Variants in GPX5 observed in about 807,000 individuals in gnomAD.
GPX5 encodes glutathione peroxidase 5.
Under a neutral mutation model 23.8 loss-of-function variants are expected in GPX5, and 20 were observed. That is an observed-to-expected ratio of 0.84 (90% CI 0.59 to 1.22). The LOEUF is 1.22. Ranked by LOEUF, GPX5 falls within the 50% of genes most tolerant of loss-of-function variation. GPX5 has a pLI of 0.00. For synonymous variants in GPX5, 92 were observed against 99.5 expected (o/e 0.92, Z 0.45); for missense variants, 230 against 266.6 (o/e 0.86, Z 0.96).
chr6:28,531,130 C>T (rs891804687), intron 2 of GPX5, among the ~76,000 whole-genome samples: 3 of 150,964 alleles, frequency 2.0e-5, no homozygotes, highest in African/African-American at 7.3e-5. Flanking sequence ...TTTACTTCCA[C>T]TCCACTCAGG....
intron 4 of GPX5, among the ~76,000 whole-genome samples, chr6:28,532,672 T>A (rs380879): frequency 6.6e-6 from 1 of 152,084 alleles, no homozygotes; most frequent in Non-Finnish European, 1.5e-5. Context: ...CACCCTCTTT[T>A]GCTCATTGAC....
At position 28,529,441 on chromosome 6, in the gene GPX5, A is replaced by C. The variant is rs1452005194; in HGVS notation, c.88-10A>C. Reference sequence around the variant, plus strand: ...GTTACCAGTATTATCACTTAAAAAAAATCTTCCAGATGGATTGCCACAAAG... The same window carrying C: ...GTTACCAGTATTATCACTTAAAAAACATCTTCCAGATGGATTGCCACAAAG... On this transcript the variant is annotated splice_polypyrimidine_tract_variant and intron_variant, in intron 1 of 4. Transcript: ENST00000412168. 1 of 1,598,834 alleles carries C rather than the reference A, an allele frequency of 6.3e-7. No homozygotes were observed. Among genetic ancestry groups the C allele is most frequent in the Non-Finnish European group, 8.5e-7 (1 of 1,171,930 alleles).
Position 28,531,370 on chromosome 6 carries a change from CAAAAA to C in GPX5, c.242-389_242-385del, listed in dbSNP as rs1193939654. On this transcript the variant is annotated intron_variant, in intron 2 of 4. Coordinates refer to ENST00000412168, the MANE Select transcript of GPX5 (RefSeq NM_001509.3). ...TGGGCGACAGAGTGAGAATCTGTCT[CAAAAA>C]AAAAAAAAAAAAAAAAAAGAAAAGA... is the stretch of plus-strand genomic sequence containing the variant. Among the ~76,000 whole-genome samples the C allele has an allele frequency of 2.0e-4, 10 of 50,116 alleles. No homozygotes were observed. The East Asian group carries it at 5.7e-3, about 29-fold the overall frequency. The allele number at this position is 50,116 out of a possible 152,430, so 32.9% of individuals were successfully genotyped here.
intron 2 of GPX5, 46 bp from the exon 3 acceptor site, chr6:28,531,732 G>A: frequency 2.4e-6 from 3 of 1,274,196 alleles, no homozygotes; most frequent in South Asian, 1.2e-5. Flanking sequence ...CCTTGCACAA[G>A]GCAGAACCTC....
chr6:28,529,270 T>C (rs1488949265), intron 1 of GPX5, 181 bp from the exon 2 acceptor site: 2 of 459,710 alleles, frequency 4.4e-6, no homozygotes, highest in Non-Finnish European at 7.6e-6. Context: ...CTTATGAGAC[T>C]TGATTTTTTA....
intron 2 of GPX5, 77 bp downstream of exon 2, chr6:28,529,681 T>C (rs1396824370): frequency 1.0e-6 from 1 of 999,452 alleles, no homozygotes; most frequent in Non-Finnish European, 1.4e-6. Flanking sequence ...CTTGGAATTA[T>C]ATTTTAATTA....
At chr6:28,528,861 A>G (rs1427192249) in intron 1 of GPX5, among the ~76,000 whole-genome samples, 1 of 50,184 alleles carries the variant, frequency 2.0e-5, no homozygotes, top group Non-Finnish European at 4.6e-5. Flanking sequence ...ATATATATAT[A>G]TATATATATA....
intron 4 of GPX5, among the ~76,000 whole-genome samples, chr6:28,533,176 G>A (rs1763358877): frequency 6.6e-6 from 1 of 152,038 alleles, no homozygotes; most frequent in East Asian, 1.9e-4. Context: ...AGTGTAGTAG[G>A]TACCTTTTAT....
intron 2 of GPX5, among the ~76,000 whole-genome samples, 179 bp downstream of exon 2, chr6:28,529,783 C>T (rs1377151813): frequency 2.0e-5 from 3 of 152,132 alleles, no homozygotes; most frequent in African/African-American, 7.2e-5. Flanking sequence ...CAAATTTGGT[C>T]AGCCTGGCTT....
chr6:28,526,082 CA>C lies in GPX5; in HGVS notation c.71del (p.Lys24SerfsTer5), dbSNP rs1216044581. On this transcript the variant is annotated frameshift_variant, in exon 1 of 5. Transcript: ENST00000412168. LOFTEE classifies it high-confidence loss of function. ...LLACFVQTSP[K>X]QEKMKMDCHK... ...TAGCCTGCTTTGTGCAAACAAGTCC[CA>C]AGCAGGAGAAGATGAAGGTGAGTGA... is the stretch of plus-strand genomic sequence containing the variant. The C allele has an allele frequency of 1.9e-6, 3 of 1,612,636 alleles. No individual in the cohort carries two copies. Among genetic ancestry groups the C allele is most frequent in the Non-Finnish European group, 1.7e-6 (2 of 1,179,726 alleles).
At chr6:28,531,275 G>A (rs188193925) in intron 2 of GPX5, among the ~76,000 whole-genome samples, 2 of 149,684 alleles carry the variant, frequency 1.3e-5, no homozygotes, top group Non-Finnish European at 3.0e-5. Context: ...GGAGTCTAAG[G>A]CAGGAGAATC....
At chr6:28,530,991 C>CTGA (rs1562010180) in intron 2 of GPX5, among the ~76,000 whole-genome samples, 1 of 152,148 alleles carries the variant, frequency 6.6e-6, no homozygotes, top group Non-Finnish European at 1.5e-5. Context: ...ACGAAGGCAG[C>CTGA]TGAAGCTTGT....
intron 1 of GPX5, among the ~76,000 whole-genome samples, chr6:28,527,423 C>CAG (rs1763232144): frequency 6.6e-6 from 1 of 152,148 alleles, no homozygotes; most frequent in African/African-American, 2.4e-5. Context: ...AGAAAAATAT[C>CAG]TTTTTCCTCA....
At chr6:28,527,651 GC>G (rs1236833655) in intron 1 of GPX5, 1 of 152,196 alleles carries the variant, frequency 6.6e-6, no homozygotes, top group Non-Finnish European at 1.5e-5. Flanking sequence ...ATCAAATAAT[GC>G]CCTTCTCTCT....
intron 1 of GPX5, chr6:28,529,246 C>G: frequency 2.3e-6 from 1 of 428,642 alleles, no homozygotes; most frequent in Non-Finnish European, 4.1e-6. Flanking sequence ...CAATGCTTGT[C>G]TTTCTCTGCC....
At chr6:28,526,312 T>C (rs1178852547) in intron 1 of GPX5, among the ~76,000 whole-genome samples, 2 of 152,158 alleles carry the variant, frequency 1.3e-5, no homozygotes, top group Non-Finnish European at 2.9e-5. Flanking sequence ...GGTCTCCATA[T>C]GACTAGGGAA....
chr6:28,528,209 C>T (rs886146231), intron 1 of GPX5: 1 of 152,162 alleles, frequency 6.6e-6, no homozygotes, highest in South Asian at 2.1e-4. Context: ...GCTTACATGA[C>T]CACCATGTTA....
intron 1 of GPX5, 49 bp downstream of exon 1, chr6:28,526,149 C>A: frequency 7.5e-7 from 1 of 1,341,746 alleles, no homozygotes; most frequent in Non-Finnish European, 1.1e-6. Context: ...TGTCCTACTT[C>A]TAGACCCTGC....
Position 28,534,124 on chromosome 6 carries a change from A to G in GPX5, c.623A>G (p.Lys208Arg). Reference protein sequence around the residue: ...WSHRATVSSVKTDILAYLKQF... With the variant: ...WSHRATVSSVRTDILAYLKQF... ...CACCGGGCTACGGTCAGCTCAGTCA[A>G]GACAGACATCCTGGCGTACTTGAAG... is the stretch of plus-strand genomic sequence containing the variant. The change falls in exon 5 of 5, where the codon AAG becomes AGG. Residue 208 changes from lysine to arginine, a missense_variant. Transcript: ENST00000412168. The G allele has an allele frequency of 5.0e-6, 8 of 1,607,312 alleles. No homozygotes were observed. Among genetic ancestry groups the G allele is most frequent in the Non-Finnish European group, 6.8e-6 (8 of 1,177,174 alleles).
Sources: allele counts gnomAD v4.1 joint callset (sites outside exome capture counted in the v4.1 genomes callset), GRCh38; gene constraint gnomAD v4.1.1; transcripts MANE v1.5; gene names NCBI Gene and HGNC (gene_info 2026-07-23, HGNC 2026-07-21).